STK32B: variants seen among roughly 807,000 people sequenced by gnomAD.
STK32B encodes serine/threonine kinase 32B.
Under a neutral mutation model 52.6 loss-of-function variants are expected in STK32B, and 43 were observed. The observed-to-expected ratio is 0.82, with a 90% CI of 0.64 to 1.05. The LOEUF (loss-of-function observed/expected upper bound fraction) is 1.05, where lower values mean the gene tolerates loss of function less well. Among genes scored for constraint, STK32B ranks in the 50% least tolerant of loss-of-function variants. The probability of loss-of-function intolerance (pLI) is 0.00; values close to 1 mark genes in which losing one functional copy is unlikely to be tolerated. For missense variants in STK32B, 621 were observed against 534.6 expected, an observed-to-expected ratio of 1.16 and a Z score of -1.59; for synonymous variants, 238 against 204.3, an observed-to-expected ratio of 1.17 and a Z score of -1.41.
intron 1 of STK32B, among the ~76,000 whole-genome samples, chr4:5,095,671 C>G (rs1219661710): frequency 1.3e-5 from 2 of 152,156 alleles, no homozygotes; most frequent in African/African-American, 2.4e-5. Context: ...ACATATTGAT[C>G]TCTTCTGGGT....
intron 4 of STK32B, among the ~76,000 whole-genome samples, chr4:5,357,056 C>CACAT (rs1553877487): frequency 4.7e-5 from 7 of 150,282 alleles, no homozygotes; most frequent in African/African-American, 1.7e-4. Context: ...TACACACACA[C>CACAT]ATATATACAC....
At position 5,399,853 on chromosome 4, in the gene STK32B, C is replaced by T. The variant is rs898420281; in HGVS notation, c.472+1609C>T. The stretch of plus-strand genomic sequence containing the variant: ...GGTAGATAACTCGCCCTCTTCCTGT[C>T]CCCTTTCTCTGCTCAGGGCCAGGCA... On this transcript the variant is annotated intron_variant, in intron 5 of 11. Coordinates refer to ENST00000282908, the MANE Select transcript of STK32B (RefSeq NM_018401.3). The surrounding 1 kb of genome is among the most constrained non-coding windows in gnomAD (Gnocchi z 5.4). Among the ~76,000 whole-genome samples, 4 of 152,170 alleles carry T rather than the reference C, an allele frequency of 2.6e-5. No homozygotes were observed. Among genetic ancestry groups the T allele is most frequent in the African/African-American group, 4.8e-5 (2 of 41,428 alleles).
chr4:5,432,448 T>C (rs1269093325), intron 6 of STK32B: 2 of 151,774 alleles, frequency 1.3e-5, no homozygotes, highest in African/African-American at 4.9e-5. Flanking sequence ...ATCGATGTAT[T>C]AATAGTTTGC....
At chr4:5,169,169 G>T (rs989992327) in intron 3 of STK32B, among the ~76,000 whole-genome samples, 1 of 152,116 alleles carries the variant, frequency 6.6e-6, no homozygotes, top group African/African-American at 2.4e-5. Context: ...CGCGACCTCA[G>T]TCTTCTCCTG....
At chr4:5,127,581 AT>A (rs1715483674) in intron 1 of STK32B, among the ~76,000 whole-genome samples, 1 of 151,910 alleles carries the variant, frequency 6.6e-6, no homozygotes, top group Admixed American at 6.6e-5. Flanking sequence ...GTCTTTGTAT[AT>A]GTAAGTAGTT....
intron 2 of STK32B, among the ~76,000 whole-genome samples, chr4:5,157,620 A>T (rs957802750): frequency 6.6e-6 from 1 of 152,222 alleles, no homozygotes; most frequent in Non-Finnish European, 1.5e-5. Flanking sequence ...TGAGGCAGGA[A>T]CAGAGTTAGC....
intron 1 of STK32B, among the ~76,000 whole-genome samples, chr4:5,109,190 G>A (rs1714262352): frequency 2.0e-5 from 3 of 152,286 alleles, no homozygotes; most frequent in South Asian, 4.1e-4. Flanking sequence ...ACAAGACCCA[G>A]AAGCAACTTT....
At chr4:5,313,933 A>C (rs898123248) in intron 3 of STK32B, among the ~76,000 whole-genome samples, 5 of 152,250 alleles carry the variant, frequency 3.3e-5, no homozygotes, top group Non-Finnish European at 4.4e-5. Flanking sequence ...ACAGAAATCA[A>C]ATAAGACCTA....
intron 3 of STK32B, among the ~76,000 whole-genome samples, chr4:5,322,197 A>G (rs1208878606): frequency 6.6e-6 from 1 of 152,102 alleles, no homozygotes; most frequent in Non-Finnish European, 1.5e-5. Context: ...TATCATTGTG[A>G]ATGTTATTAA....
intron 3 of STK32B, among the ~76,000 whole-genome samples, chr4:5,234,610 A>T (rs1375945377): frequency 2.6e-5 from 4 of 152,258 alleles, no homozygotes. Context: ...ATAAGTGGAA[A>T]GGATGGATAT....
intron 3 of STK32B, among the ~76,000 whole-genome samples, chr4:5,231,623 CACAAA>C (rs984701997): frequency 2.0e-4 from 31 of 151,994 alleles, no homozygotes; most frequent in African/African-American, 7.2e-4. Flanking sequence ...AAAACAGAAA[CACAAA>C]ACAAAACAAA....
intron 6 of STK32B, among the ~76,000 whole-genome samples, chr4:5,417,235 C>G (rs1213662124): frequency 6.6e-6 from 1 of 152,206 alleles, no homozygotes; most frequent in African/African-American, 2.4e-5. Flanking sequence ...CATTTATGTT[C>G]AGTATTTTCC....
At chr4:5,126,959 G>A (rs1715401717) in intron 1 of STK32B, among the ~76,000 whole-genome samples, 1 of 152,138 alleles carries the variant, frequency 6.6e-6, no homozygotes, top group African/African-American at 2.4e-5. Flanking sequence ...GTGGTGATAG[G>A]TAATAGTTGG....
At chr4:5,040,388 A>ATTTTTTTTTT in the STK32B span, among the ~76,000 whole-genome samples, 1 of 118,732 alleles carries the variant, frequency 8.4e-6, no homozygotes, top group African/African-American at 3.6e-5. Context: ...TGGCAGTAGA[A>ATTTTTTTTTT]TTTTTTTTTT....
intron 1 of STK32B, among the ~76,000 whole-genome samples, chr4:5,092,270 G>A (rs560359515): frequency 5.3e-5 from 8 of 152,314 alleles, no homozygotes; most frequent in Middle Eastern, 3.4e-3. Context: ...AGTGGCTCGC[G>A]CCTGTAATCC....
chr4:5,092,269 C>G (rs540402955), intron 1 of STK32B, among the ~76,000 whole-genome samples: 2 of 152,206 alleles, frequency 1.3e-5, no homozygotes, highest in African/African-American at 4.8e-5. Context: ...CAGTGGCTCG[C>G]GCCTGTAATC....
intron 11 of STK32B, among the ~76,000 whole-genome samples, chr4:5,489,112 C>T (rs1719469987): frequency 6.6e-6 from 1 of 151,886 alleles, no homozygotes; most frequent in African/African-American, 2.4e-5. Flanking sequence ...TGAAAATGAC[C>T]CAGACATTTA....
At chr4:5,133,075 G>A (rs1198798259) in intron 1 of STK32B, among the ~76,000 whole-genome samples, 2 of 152,214 alleles carry the variant, frequency 1.3e-5, no homozygotes, top group Non-Finnish European at 2.9e-5. Context: ...TGGGATTACA[G>A]GCATGAGCCA....
intron 7 of STK32B, among the ~76,000 whole-genome samples, chr4:5,455,699 A>G (rs1364207425): frequency 6.6e-6 from 1 of 152,156 alleles, no homozygotes; most frequent in Non-Finnish European, 1.5e-5. Flanking sequence ...GGAGGGACTG[A>G]GACGTTCACT....
Sources: gnomAD v4.1 joint callset for allele counts (sites outside exome capture counted in the v4.1 genomes callset) on GRCh38, gnomAD v4.1.1 for gene constraint, Gnocchi (gnomAD v3.1) non-coding constraint, MANE v1.5 for transcripts, NCBI Gene and HGNC (gene_info 2026-07-23, HGNC 2026-07-21) for gene names.